Variants in CACNA1C observed in about 807,000 individuals in gnomAD.
The protein encoded by CACNA1C is calcium voltage-gated channel subunit alpha1 C.
In CACNA1C, 30 loss-of-function variants were observed where a neutral mutation model predicts 229.0. That is an observed-to-expected ratio of 0.13 (90% CI 0.10 to 0.18). CACNA1C has a LOEUF of 0.18. Among genes scored for constraint, CACNA1C ranks in the 10% least tolerant of loss-of-function variants. The probability of loss-of-function intolerance (pLI) is 1.00; values close to 1 mark genes in which losing one functional copy is unlikely to be tolerated. For synonymous variants in CACNA1C, 1,114 were observed against 1,132.5 expected (o/e 0.98, Z 0.33); for missense variants, 1,658 against 2,845.0 (o/e 0.58, Z 9.49).
At position 2,688,704 on chromosome 12, in the gene CACNA1C, C is replaced by T. The variant is rs776718699; in HGVS notation, c.6042C>T (p.Val2014=). ...GSSAARRVRP[V]SLMVPSQAGA... ...GCGCCGCCCGGAGAGTCCGGCCCGTCTCCCTCATGGTGCCCAGCCAGGCTG... is the reference window on the plus strand; with the variant it reads ...GCGCCGCCCGGAGAGTCCGGCCCGTTTCCCTCATGGTGCCCAGCCAGGCTG... Residue 2014 remains valine (V), a synonymous_variant, in exon 46 of 47, where the codon GTC becomes GTT. Transcript: ENST00000399655. The T allele has an allele frequency of 1.9e-6, 3 of 1,611,084 alleles. No individual in the cohort carries two copies. Among genetic ancestry groups the T allele is most frequent in the Non-Finnish European group, 2.5e-6 (3 of 1,178,930 alleles).
intron 3 of CACNA1C, among the ~76,000 whole-genome samples, chr12:2,401,976 C>A (rs1001618475): frequency 7.9e-5 from 12 of 152,202 alleles, no homozygotes; most frequent in Non-Finnish European, 2.9e-5. Context: ...GGGATGAGGA[C>A]CTCATTCTTT....
intron 3 of CACNA1C, among the ~76,000 whole-genome samples, chr12:2,429,104 A>G (rs747095238): frequency 3.3e-5 from 5 of 151,540 alleles, no homozygotes; most frequent in Non-Finnish European, 5.9e-5. Flanking sequence ...TGGTTTGTAG[A>G]TGCATTAATC....
intron 1 of CACNA1C, among the ~76,000 whole-genome samples, chr12:1,975,585 A>G (rs1322632039): frequency 6.6e-6 from 1 of 152,142 alleles, no homozygotes; most frequent in African/African-American, 2.4e-5. Context: ...TTAGACTTCC[A>G]CCATGCTAAA....
At chr12:2,149,548 G>A (rs2095040571) in intron 3 of CACNA1C, among the ~76,000 whole-genome samples, 2 of 152,110 alleles carry the variant, frequency 1.3e-5, no homozygotes, top group Non-Finnish European at 2.9e-5. Context: ...GTAGAGAGTG[G>A]GCTACTGACT....
At position 2,090,564 on chromosome 12, in the gene CACNA1C, C is replaced by T. The variant is rs143879792; in HGVS notation, c.50-24660C>T. Among the ~76,000 whole-genome samples the T allele has an allele frequency of 3.2e-3, 486 of 152,186 alleles. 7 individuals carry two copies. Among genetic ancestry groups the T allele is most frequent in the African/African-American group, 0.011 (441 of 41,516 alleles). On this transcript the variant is annotated intron_variant, in intron 1 of 46. Coordinates refer to ENST00000399655, the MANE Select transcript of CACNA1C (RefSeq NM_000719.7). ...AACTCCTGACCTCAAGTGATCTGCT[C>T]GCCTTGGCCTCCCAAAGTGCTGGGA...
intron 1 of CACNA1C, among the ~76,000 whole-genome samples, chr12:2,087,379 CT>C (rs1276585616): frequency 6.6e-6 from 1 of 152,132 alleles, no homozygotes; most frequent in East Asian, 1.9e-4. Flanking sequence ...GATTTGAACT[CT>C]GTTTTTAGAG....
At chr12:2,562,239 ACTC>A (rs1289183909) in intron 11 of CACNA1C, among the ~76,000 whole-genome samples, 1 of 151,728 alleles carries the variant, frequency 6.6e-6, no homozygotes, top group Non-Finnish European at 1.5e-5. Flanking sequence ...CATATCCACT[ACTC>A]CCAAGCATGA....
chr12:2,508,882 A>G (rs946557074), intron 8 of CACNA1C, among the ~76,000 whole-genome samples: 1 of 152,250 alleles, frequency 6.6e-6, no homozygotes, highest in Admixed American at 6.5e-5. Flanking sequence ...TCTTATGGAT[A>G]ATAATCAGAT....
intron 3 of CACNA1C, among the ~76,000 whole-genome samples, chr12:2,433,870 G>A (rs1281724152): frequency 6.6e-6 from 1 of 152,136 alleles, no homozygotes; most frequent in Non-Finnish European, 1.5e-5. Context: ...GCATGGCTGG[G>A]GAGACAATTT....
intron 3 of CACNA1C, among the ~76,000 whole-genome samples, chr12:2,151,261 GA>G (rs1409939859): frequency 1.4e-5 from 2 of 147,802 alleles, no homozygotes; most frequent in African/African-American, 5.2e-5. Context: ...GGCACAGTAA[GA>G]TTTTTTTTTT....
intron 30 of CACNA1C, chr12:2,641,468 C>G (rs1428431880): frequency 1.9e-6 from 1 of 537,140 alleles, no homozygotes; most frequent in African/African-American, 1.9e-5. Flanking sequence ...GGTCTCAGGA[C>G]AGCTGGGTGG....
intron 9 of CACNA1C, among the ~76,000 whole-genome samples, chr12:2,545,376 A>G (rs1236030727): frequency 6.6e-6 from 1 of 152,038 alleles, no homozygotes. Flanking sequence ...GTGGCTCTCA[A>G]TTGGTCATCG....
At chr12:2,218,003 G>C (rs2060416882) in intron 3 of CACNA1C, 1 of 152,190 alleles carries the variant, frequency 6.6e-6, no homozygotes, top group African/African-American at 2.4e-5. Flanking sequence ...GTCTAACTTA[G>C]GAGAGAGCTT....
At chr12:2,223,044 C>T (rs2239028) in intron 3 of CACNA1C, among the ~76,000 whole-genome samples, 21,229 of 152,122 alleles carry the variant, frequency 0.14, 1,991 homozygotes, top group East Asian at 0.3. Context: ...GGAATGGACA[C>T]GCACATAAAT....
At chr12:1,988,802 T>G (rs747185987) in intron 1 of CACNA1C, among the ~76,000 whole-genome samples, 13 of 152,188 alleles carry the variant, frequency 8.5e-5, no homozygotes, top group Non-Finnish European at 1.6e-4. Context: ...CAGGGTACTA[T>G]TTCCGTTATT....
intron 1 of CACNA1C, chr12:2,004,112 C>T: frequency 1.0e-6 from 1 of 953,680 alleles, no homozygotes; most frequent in Non-Finnish European, 1.5e-6. Context: ...CCTTCCTTCC[C>T]CCAAACCCCC....
intron 3 of CACNA1C, among the ~76,000 whole-genome samples, chr12:2,404,890 G>C (rs1391996516): frequency 1.3e-5 from 2 of 152,194 alleles, no homozygotes; most frequent in Non-Finnish European, 2.9e-5. Flanking sequence ...TATCAGGAAG[G>C]ATCCACGTAC....
At chr12:2,477,528 G>A (rs1047221378) in intron 5 of CACNA1C, among the ~76,000 whole-genome samples, 1 of 152,166 alleles carries the variant, frequency 6.6e-6, no homozygotes, top group Non-Finnish European at 1.5e-5. Context: ...TCCCCACTCT[G>A]CTCTCTGGCT....
chr12:2,630,727 A>T lies in CACNA1C; in HGVS notation c.3829-3570A>T, dbSNP rs2090002781. Among the ~76,000 whole-genome samples, 1 of 152,166 alleles carries T rather than the reference A, an allele frequency of 6.6e-6. No individual in the cohort carries two copies. Among genetic ancestry groups the T allele is most frequent in the African/African-American group, 2.4e-5 (1 of 41,434 alleles). ...CATTCCAGCTCTGTGGAAATCCCCC[A>T]GGGCTGGGGCACAGGAGCTCTCAGC... On this transcript the variant is annotated intron_variant, in intron 29 of 46. Transcript: ENST00000399655. The surrounding 1 kb of genome is among the most constrained non-coding windows in gnomAD (Gnocchi z 5.4).
Sources: allele counts gnomAD v4.1 joint callset (sites outside exome capture counted in the v4.1 genomes callset), GRCh38; gene constraint gnomAD v4.1.1; non-coding constraint Gnocchi (gnomAD v3.1); transcripts MANE v1.5; gene names NCBI Gene and HGNC (gene_info 2026-07-23, HGNC 2026-07-21).